The following ZDBF2 variants were observed in gnomAD, a reference collection of about 807,000 sequenced individuals.
ZDBF2 encodes the protein DBF4-type zinc finger-containing protein 2.
Under a neutral mutation model 9.4 loss-of-function variants are expected in ZDBF2, and 6 were observed. That is an observed-to-expected ratio of 0.64 (90% CI 0.35 to 1.27). The LOEUF is 1.27. ZDBF2 is among the 50% of genes most tolerant of loss of function. ZDBF2 has a pLI of 0.03. For synonymous variants in ZDBF2, 905 were observed against 946.3 expected (o/e 0.96, Z 0.80); for missense variants, 2,697 against 2,766.8 (o/e 0.97, Z 0.57).
At position 206,297,936 on chromosome 2, in the gene ZDBF2, C is replaced by T. The variant is rs144178740; in HGVS notation, c.188+563C>T. 3.6e-3 allele frequency among the ~76,000 whole-genome samples: 547 copies of T among 152,286 alleles called. 3 individuals are homozygous for T. Among genetic ancestry groups the T allele is most frequent in the African/African-American group, 0.012 (500 of 41,554 alleles). ...CCTCAGGTGATCCACCCGCCTTGGC[C>T]TCCCAAAGTGCTGAGATTACAGGCG... On this transcript the variant is annotated intron_variant, in intron 4 of 4. Coordinates refer to ENST00000374423, the MANE Select transcript of ZDBF2 (RefSeq NM_020923.3).
chr2:206,308,888 A>G lies in ZDBF2; in HGVS notation c.4360A>G (p.Ile1454Val). 6.2e-7 allele frequency: 1 copy of G among 1,612,660 alleles called. No homozygotes were observed. Among genetic ancestry groups the G allele is most frequent in the South Asian group, 1.1e-5 (1 of 90,710 alleles). ...GAACTGTGAAGTCTGTGGTTCTGAAATAAAATGTCATTCTTGTGTTCATCT... is the reference window on the plus strand; with the variant it reads ...GAACTGTGAAGTCTGTGGTTCTGAAGTAAAATGTCATTCTTGTGTTCATCT... ...NKNCEVCGSE[I>V]KCHSCVHLQS... Residue 1454 changes from isoleucine to valine, a missense_variant, in exon 5 of 5, where the codon ATA (isoleucine) becomes GTA (valine). By Grantham distance (29) the Ile-to-Val change is conservative. Coordinates refer to ENST00000374423, the MANE Select transcript of ZDBF2 (RefSeq NM_020923.3).
intron 3 of ZDBF2, among the ~76,000 whole-genome samples, chr2:206,295,337 C>CTAATTCTT (rs1184620602): frequency 6.7e-6 from 1 of 148,428 alleles, no homozygotes; most frequent in Non-Finnish European, 1.5e-5. Flanking sequence ...GCAGTTTACT[C>CTAATTCTT]TAATTCTTTT....
At chr2:206,293,044 C>A (rs1691980396) in intron 3 of ZDBF2, among the ~76,000 whole-genome samples, 1 of 151,960 alleles carries the variant, frequency 6.6e-6, no homozygotes, top group South Asian at 2.1e-4. Context: ...AATAGATGTC[C>A]TCTATCAGAT....
Position 206,308,071 on chromosome 2 carries a change from G to T in ZDBF2, c.3543G>T (p.Glu1181Asp), listed in dbSNP as rs1300044192. 1 of 1,613,962 alleles carries T rather than the reference G, an allele frequency of 6.2e-7. No individual in the cohort carries two copies. Among genetic ancestry groups the T allele is most frequent in the South Asian group, 1.1e-5 (1 of 91,080 alleles). ...IVNRPQITIL[E>D]QEHIELEGKH... The stretch of plus-strand genomic sequence containing the variant: ...ATCGACCTCAAATAACTATTTTGGA[G>T]CAGGAGCACATTGAACTAGAAGGTA... The change falls in exon 5 of 5, where the codon GAG (glutamate) becomes GAT (aspartate). Residue 1181 changes from glutamate (E) to aspartate (D), a missense_variant. This residue lies in a region of ZDBF2 where 1,783 missense variants were observed against 1,776.5 expected (regional missense o/e 1.00). Coordinates refer to ENST00000374423, the MANE Select transcript of ZDBF2 (RefSeq NM_020923.3).
chr2:206,307,682 ATGAC>A lies in ZDBF2; in HGVS notation c.3159_3162del (p.Asp1054AsnfsTer4). On this transcript the variant is annotated frameshift_variant, in exon 5 of 5. Transcript: ENST00000374423. LOFTEE classifies it low-confidence loss of function (END_TRUNC). ...GGATTCTAATGTTCCACCTCAGTCA[ATGAC>A]TGACCAACCTCAACTAGCTTTTTTG... 6.2e-7 allele frequency: 1 copy of A among 1,613,476 alleles called. No individual in the cohort carries two copies. The highest frequency in any genetic ancestry group is 8.5e-7 in the Non-Finnish European group (1 of 1,179,680).
chr2:206,308,765 G>C lies in ZDBF2; in HGVS notation c.4237G>C (p.Ala1413Pro). The C allele has an allele frequency of 6.2e-7, 1 of 1,613,668 alleles. No homozygotes were observed. Among genetic ancestry groups the C allele is most frequent in the East Asian group, 2.2e-5 (1 of 44,868 alleles). The change falls in exon 5 of 5, where the codon GCT becomes CCT. Residue 1413 changes from alanine to proline, a missense_variant. Ala to Pro is a conservative substitution (Grantham distance 27). Coordinates refer to ENST00000374423, the MANE Select transcript of ZDBF2 (RefSeq NM_020923.3). Reference protein sequence around the residue: ...YKLGDFDVSYASHIPVQFVTD... With the variant: ...YKLGDFDVSYPSHIPVQFVTD... ...ATTAGGTGATTTTGATGTAAGTTAT[G>C]CTTCTCATATTCCTGTTCAGTTTGT...
intron 1 of ZDBF2, among the ~76,000 whole-genome samples, chr2:206,277,322 A>C (rs1044668866): frequency 6.6e-6 from 1 of 151,868 alleles, no homozygotes; most frequent in Non-Finnish European, 1.5e-5. Flanking sequence ...AAAAAAAAAA[A>C]AACCAAAAAC....
At chr2:206,279,860 A>G (rs892726920) in intron 2 of ZDBF2, among the ~76,000 whole-genome samples, 7 of 152,062 alleles carry the variant, frequency 4.6e-5, no homozygotes, top group Admixed American at 1.3e-4. Context: ...GCTGGAGTGC[A>G]GTGGTGTGAC....
intron 3 of ZDBF2, among the ~76,000 whole-genome samples, chr2:206,292,803 T>C (rs1251807204): frequency 6.6e-6 from 1 of 151,836 alleles, no homozygotes; most frequent in Non-Finnish European, 1.5e-5. Context: ...CATAAGAAAA[T>C]GTAAGATCTT....
At chr2:206,296,547 T>C (rs762081236) in intron 3 of ZDBF2, among the ~76,000 whole-genome samples, 1 of 152,214 alleles carries the variant, frequency 6.6e-6, no homozygotes, top group African/African-American at 2.4e-5. Flanking sequence ...GAAAAACATA[T>C]ATAGGTTTGG....
At chr2:206,289,004 A>G (rs894184055) in intron 3 of ZDBF2, among the ~76,000 whole-genome samples, 7 of 152,176 alleles carry the variant, frequency 4.6e-5, no homozygotes, top group African/African-American at 1.7e-4. Flanking sequence ...CCCCAGGTAA[A>G]TGAATGTCTC....
chr2:206,311,415 G>C lies in ZDBF2; in HGVS notation c.6887G>C (p.Arg2296Pro), dbSNP rs373006533. 6.2e-7 allele frequency: 1 copy of C among 1,609,918 alleles called. No homozygotes were observed. The highest frequency in any genetic ancestry group is 1.3e-5 in the African/African-American group (1 of 74,832). The change falls in exon 5 of 5, where the codon CGG (arginine) becomes CCG (proline). Residue 2296 changes from arginine to proline, a missense_variant. This residue lies in a region of ZDBF2 where 1,783 missense variants were observed against 1,776.5 expected (regional missense o/e 1.00). Coordinates refer to ENST00000374423, the MANE Select transcript of ZDBF2 (RefSeq NM_020923.3). ...AATCCTCCTCCAAAGCGACCTGTGC[G>C]GGCTTCTTGCCGCGTTGCAAGAAGG... ...MANPPPKRPVRASCRVARRRK... is the reference protein window; with the variant it reads ...MANPPPKRPVPASCRVARRRK...
intron 4 of ZDBF2, among the ~76,000 whole-genome samples, chr2:206,301,087 C>A (rs549824173): frequency 6.6e-6 from 1 of 152,132 alleles, no homozygotes; most frequent in South Asian, 2.1e-4. Context: ...TACTGATAAT[C>A]CCATATTATC....
chr2:206,275,631 A>G (rs1369827675), intron 1 of ZDBF2, among the ~76,000 whole-genome samples: 2 of 152,036 alleles, frequency 1.3e-5, no homozygotes, highest in African/African-American at 2.4e-5. Flanking sequence ...ACTGGTTCTC[A>G]AGGGACCAAA....
Position 206,304,912 on chromosome 2 carries a change from G to A in ZDBF2, c.384G>A (p.Thr128=), listed in dbSNP as rs143619911. The A allele has an allele frequency of 1.3e-4, 210 of 1,613,646 alleles. 1 individual carries two copies. In the African/African-American group the frequency reaches 1.4e-3, roughly 11 times the overall value. The change falls in exon 5 of 5, where the codon ACG becomes ACA. Residue 128 remains threonine, a synonymous_variant. Transcript: ENST00000374423. ...GACCTCATAAATCTCAGGAAGGCAC[G>A]CAGGAGGTTTCAGTTCGACCATCAG... The part of the protein sequence containing the change: ...HSRPHKSQEG[T]QEVSVRPSVI...
intron 2 of ZDBF2, among the ~76,000 whole-genome samples, chr2:206,279,793 TTATTTTATTC>T (rs1691217256): frequency 6.6e-6 from 1 of 152,154 alleles, no homozygotes. Flanking sequence ...CTTGAGCATT[TTATTTTATTC>T]TATTTTATTT....
rs1031432709 is a variant in ZDBF2, at chr2:206,313,702, T to C, written c.*2109T>C. The C allele has an allele frequency of 1.3e-5, 2 of 152,174 alleles. No homozygotes were observed. Among genetic ancestry groups the C allele is most frequent in the Non-Finnish European group, 2.9e-5 (2 of 68,010 alleles). The allele number at this position is 152,174 out of a possible 1,614,324, so 9.4% of individuals were successfully genotyped here. On this transcript the variant is annotated 3_prime_UTR_variant, in exon 5 of 5. Transcript: ENST00000374423. Reference sequence around the variant, plus strand: ...CATGCAGAGAGAACAGTTCCTGTAATTCAAGTAATTAAAATTTCAAGTTGT... The same window carrying C: ...CATGCAGAGAGAACAGTTCCTGTAACTCAAGTAATTAAAATTTCAAGTTGT...
At chr2:206,278,252 A>G (rs1691133761) in intron 1 of ZDBF2, among the ~76,000 whole-genome samples, 2 of 152,152 alleles carry the variant, frequency 1.3e-5, no homozygotes, top group South Asian at 2.1e-4. Flanking sequence ...TTTTTAAAGA[A>G]AAATTAAATG....
At chr2:206,302,784 G>C (rs1391131048) in intron 4 of ZDBF2, among the ~76,000 whole-genome samples, 1 of 151,868 alleles carries the variant, frequency 6.6e-6, no homozygotes, top group Non-Finnish European at 1.5e-5. Flanking sequence ...AATTTATATG[G>C]GATAGTAATA....
Sources: gnomAD v4.1 joint callset for allele counts (sites outside exome capture counted in the v4.1 genomes callset) on GRCh38, gnomAD v4.1.1 for gene constraint, gnomAD v4.1.1 regional missense constraint, MANE v1.5 for transcripts, NCBI Gene and HGNC (gene_info 2026-07-23, HGNC 2026-07-21) for gene names.